The following CA5B variants were observed in gnomAD, a reference collection of about 807,000 sequenced individuals.
CA5B encodes the protein carbonic anhydrase 5B, mitochondrial.
CA5B carries 15 observed loss-of-function variants against 23.1 expected under a neutral mutation model. The observed-to-expected ratio is 0.65, with a 90% confidence interval of 0.43 to 1.00. The LOEUF is 1.00. CA5B is among the 50% of genes least tolerant of loss of function. CA5B has a pLI of 0.00. For missense variants in CA5B, 236 were observed against 252.2 expected (o/e 0.94, Z 0.43); for synonymous variants, 84 against 98.5 (o/e 0.85, Z 0.87).
intron 3 of CA5B, chrX:15,769,749 T>C (rs1931783082): frequency 1.4e-5 from 3 of 219,435 alleles, no homozygotes. Flanking sequence ...CAACCATCAC[T>C]ATAGTCTAAT....
intron 2 of CA5B, among the ~76,000 whole-genome samples, chrX:15,759,734 C>CTTTTTTTTTTTT (rs56915078): frequency 2.7e-4 from 10 of 37,396 alleles, no homozygotes; most frequent in African/African-American, 1.3e-3. Context: ...TTACTGACAC[C>CTTTTTTTTTTTT]TTTTTTTTTT....
At chrX:15,739,047 T>C (rs747054457) in intron 1 of CA5B, among the ~76,000 whole-genome samples, 1 of 112,526 alleles carries the variant, frequency 8.9e-6, no homozygotes, top group Non-Finnish European at 1.9e-5. Flanking sequence ...TTCGTGATTC[T>C]TGTGGCATTC....
chrX:15,741,695 C>A (rs1191328616), intron 1 of CA5B, among the ~76,000 whole-genome samples: 3 of 109,965 alleles, frequency 2.7e-5, no homozygotes, highest in Non-Finnish European at 5.7e-5. Flanking sequence ...CCAGGCTGGT[C>A]TGGAACTCCT....
intron 1 of CA5B, among the ~76,000 whole-genome samples, chrX:15,748,708 A>ACCCCCC (rs565940460): frequency 1.7e-5 from 1 of 58,294 alleles, no homozygotes; most frequent in African/African-American, 7.6e-5. Context: ...TATAGTGAGA[A>ACCCCCC]CCCCCCCCCC....
At chrX:15,773,660 C>T (rs768841277) in intron 4 of CA5B, among the ~76,000 whole-genome samples, 15 of 110,461 alleles carry the variant, frequency 1.4e-4, no homozygotes, top group African/African-American at 4.6e-4. Flanking sequence ...CCACCCACCT[C>T]GGCCTCCCAA....
intron 7 of CA5B, among the ~76,000 whole-genome samples, chrX:15,778,933 A>T (rs1328732882): frequency 9.0e-6 from 1 of 111,417 alleles, no homozygotes; most frequent in African/African-American, 3.3e-5. Flanking sequence ...ACCACACCAG[A>T]TATAGATAAA....
rs1931939767 is a variant in CA5B at position 15,776,762 on chromosome X, A to G, written c.667A>G (p.Thr223Ala). 5.8e-6 allele frequency: 7 copies of G among 1,208,667 alleles called. No homozygotes were observed. In the East Asian group the frequency reaches 1.8e-4, roughly 31 times the overall value. The change falls in exon 7 of 8, where the codon ACC becomes GCC. Residue 223 changes from threonine (T) to alanine (A), a missense_variant. Transcript: ENST00000318636. ...GSFDPSCLMP[T>A]CPDYWTYSGS... ...ATTTGACCCTTCCTGCCTGATGCCTACCTGCCCAGATTACTGGACCTACTC... is the reference window on the plus strand; with the variant it reads ...ATTTGACCCTTCCTGCCTGATGCCTGCCTGCCCAGATTACTGGACCTACTC...
At chrX:15,775,652 G>A (rs1381235237) in intron 6 of CA5B, 11 of 775,071 alleles carry the variant, frequency 1.4e-5, no homozygotes, top group African/African-American at 1.4e-4. Context: ...GGAGCAGAGC[G>A]CAGTTCTACA....
intron 6 of CA5B, chrX:15,775,537 A>G (rs1342756991): frequency 1.1e-6 from 1 of 916,974 alleles, no homozygotes; most frequent in Non-Finnish European, 1.3e-6. Flanking sequence ...GGGACTCAGG[A>G]ACATATTGCT....
chrX:15,746,661 C>T (rs1931240482), intron 1 of CA5B, among the ~76,000 whole-genome samples: 1 of 111,166 alleles, frequency 9.0e-6, no homozygotes, highest in Admixed American at 9.6e-5. Context: ...TCAGTCTCCC[C>T]GAGCATCCAG....
intron 3 of CA5B, among the ~76,000 whole-genome samples, chrX:15,766,687 A>C (rs1321116867): frequency 8.9e-6 from 1 of 112,070 alleles, no homozygotes; most frequent in African/African-American, 3.2e-5. Context: ...ATCCTTTGGG[A>C]AACATTGTTT....
intron 2 of CA5B, among the ~76,000 whole-genome samples, chrX:15,758,592 C>T (rs371189008): frequency 6.1e-4 from 68 of 111,436 alleles, no homozygotes; most frequent in African/African-American, 2.0e-3. Context: ...CTGCAACCTC[C>T]GCCTCCCGGG....
intron 3 of CA5B, 85 bp from the exon 4 acceptor site, chrX:15,772,411 G>A: frequency 1.9e-6 from 1 of 540,302 alleles, no homozygotes. Context: ...TTCACATGGA[G>A]GGTCCATTGG....
chrX:15,760,876 C>T (rs1209095822), intron 2 of CA5B, among the ~76,000 whole-genome samples: 1 of 111,767 alleles, frequency 8.9e-6, no homozygotes, highest in Non-Finnish European at 1.9e-5. Flanking sequence ...TGAATTTGAG[C>T]TTTTCCCCCC....
rs768056768 is a variant in CA5B, at chrX:15,785,375, G to T, written c.*2711G>T. On this transcript the variant is annotated 3_prime_UTR_variant, in exon 8 of 8. Transcript: ENST00000318636. ...GAAATCCTGTCAAATGTACAATGTG[G>T]ATGAACCTTGAAGGCATTATGCCAA... 1 of 112,576 alleles carries T rather than the reference G, an allele frequency of 8.9e-6. No individual in the cohort carries two copies. The highest frequency in any genetic ancestry group is 2.8e-4 in the East Asian group (1 of 3,607). 9.3% of individuals were successfully genotyped at this position (112,576 alleles called of 1,213,427 possible).
intron 2 of CA5B, 36 bp downstream of exon 2, chrX:15,750,201 G>C (rs758160020): frequency 1.9e-6 from 2 of 1,035,785 alleles, no homozygotes; most frequent in Non-Finnish European, 2.6e-6. Context: ...AACAAAAAGG[G>C]CTCCAGCCTG....
intron 3 of CA5B, among the ~76,000 whole-genome samples, chrX:15,769,962 T>C (rs1273692350): frequency 2.7e-5 from 3 of 112,300 alleles, no homozygotes; most frequent in Admixed American, 9.5e-5. Context: ...GAATGTTTTA[T>C]ATTTGTTATG....
intron 2 of CA5B, among the ~76,000 whole-genome samples, chrX:15,755,493 T>C (rs775075710): frequency 2.8e-4 from 31 of 112,617 alleles, no homozygotes; most frequent in Non-Finnish European, 5.3e-4. Flanking sequence ...TACACGGATA[T>C]CTTCAGTAAC....
chrX:15,780,013 A>G (rs1301333190), intron 7 of CA5B, among the ~76,000 whole-genome samples: 1 of 111,694 alleles, frequency 9.0e-6, no homozygotes, highest in African/African-American at 3.3e-5. Flanking sequence ...CTACTTCTAG[A>G]ATGTAATTTA....
Sources: gnomAD v4.1 joint callset for allele counts (sites outside exome capture counted in the v4.1 genomes callset) on GRCh38, gnomAD v4.1.1 for gene constraint, MANE v1.5 for transcripts, NCBI Gene and HGNC (gene_info 2026-07-23, HGNC 2026-07-21) for gene names.